Variants in CFAP221 observed in about 807,000 individuals in gnomAD.
CFAP221 encodes cilia- and flagella-associated protein 221.
Under a neutral mutation model 113.1 loss-of-function variants are expected in CFAP221, and 97 were observed. The ratio of observed to expected loss-of-function variants is 0.86; its 90% CI spans 0.73 to 1.02. The LOEUF (loss-of-function observed/expected upper bound fraction) is 1.02, where lower values mean the gene tolerates loss of function less well. Among genes scored for constraint, CFAP221 ranks in the 50% least tolerant of loss-of-function variants. The probability of loss-of-function intolerance (pLI) is 0.00; values close to 1 mark genes in which losing one functional copy is unlikely to be tolerated. For missense variants in CFAP221, 1,025 were observed against 1,013.4 expected (o/e 1.01, Z -0.16); for synonymous variants, 331 against 354.4 (o/e 0.93, Z 0.74).
At chr2:119,619,838 C>T (rs1363072300) in intron 14 of CFAP221, among the ~76,000 whole-genome samples, 3 of 151,990 alleles carry the variant, frequency 2.0e-5, no homozygotes, top group African/African-American at 7.2e-5. Flanking sequence ...AGCTAAGAAC[C>T]TTGAAAAAAG....
intron 15 of CFAP221, 64 bp from the exon 16 acceptor site, chr2:119,627,589 T>G: frequency 6.6e-7 from 1 of 1,506,454 alleles, no homozygotes; most frequent in Non-Finnish European, 9.1e-7. Context: ...TGCAAATATA[T>G]ATGGTGATTT....
chr2:119,587,192 C>A lies in CFAP221; in HGVS notation c.601C>A (p.His201Asn). The change falls in exon 7 of 24, where the codon CAT becomes AAT. Residue 201 changes from histidine (H) to asparagine (N), a missense_variant. Coordinates refer to ENST00000413369, the MANE Select transcript of CFAP221 (RefSeq NM_001271049.2). ...GTTTTATATCACCTTGATTCAGTCT[C>A]ATCAAGCCTTTGCTATTGAGCCAAC... ...FEFYITLIQS[H>N]QAFAIEPTSG... The A allele has an allele frequency of 1.3e-6, 2 of 1,531,862 alleles. No individual in the cohort carries two copies. Among genetic ancestry groups the A allele is most frequent in the Non-Finnish European group, 1.7e-6 (2 of 1,144,574 alleles). 94.9% of individuals were successfully genotyped at this position (1,531,862 alleles called of 1,614,324 possible). A position where few individuals can be genotyped will look rare whatever the true frequency, so the allele number is the denominator to read the frequency against.
At chr2:119,585,363 A>G (rs1558935574) in intron 6 of CFAP221, among the ~76,000 whole-genome samples, 1 of 152,246 alleles carries the variant, frequency 6.6e-6, no homozygotes, top group Non-Finnish European at 1.5e-5. Context: ...TGAATAAATT[A>G]GAGACATGCC....
rs61741340 is a variant in CFAP221, at chr2:119,604,718, G to A, written c.838G>A (p.Val280Ile). The A allele has an allele frequency of 0.011, 17,074 of 1,551,400 alleles. 126 individuals are homozygous for A. The highest frequency in any genetic ancestry group is 0.013 in the Non-Finnish European group (15,457 of 1,154,164). ...GAATACCCTTTCTAAGAAAGTAAAC[G>A]TTCCTCCAGAAAAAGCAATGATGCA... The part of the protein sequence containing the change: ...RLNTLSKKVN[V>I]PPEKAMMHIN... Residue 280 changes from valine to isoleucine, a missense_variant, in exon 9 of 24, where the codon GTT (valine) becomes ATT (isoleucine). Physicochemically the swap from Val to Ile is conservative, Grantham distance 29. Transcript: ENST00000413369.
chr2:119,556,291 A>G (rs998922536), intron 3 of CFAP221: 6 of 151,824 alleles, frequency 4.0e-5, no homozygotes, highest in Admixed American at 6.6e-5. Flanking sequence ...ACTAGTCTCC[A>G]TTTCACTTCA....
rs181383735 is a variant in CFAP221, at chr2:119,553,252, G to A, written c.240+4067G>A. Among the ~76,000 whole-genome samples, 35 of 152,312 alleles carry A rather than the reference G, an allele frequency of 2.3e-4. No individual in the cohort carries two copies. In the East Asian group the frequency reaches 6.6e-3, roughly 29 times the overall value. On this transcript the variant is annotated intron_variant, in intron 3 of 23. Coordinates refer to ENST00000413369, the MANE Select transcript of CFAP221 (RefSeq NM_001271049.2). ...GCCCAAAAGCCAAGTAGGAAGTGGG[G>A]AGAAGGGATTTGGGGCCCAGAGAAA... is the stretch of plus-strand genomic sequence containing the variant.
intron 3 of CFAP221, among the ~76,000 whole-genome samples, chr2:119,554,821 A>G (rs1022813935): frequency 3.3e-5 from 5 of 152,242 alleles, no homozygotes; most frequent in Admixed American, 3.3e-4. Flanking sequence ...AAAACGCTTT[A>G]AAGAACTTAT....
At chr2:119,571,320 A>G (rs1682035206) in intron 6 of CFAP221, among the ~76,000 whole-genome samples, 1 of 151,796 alleles carries the variant, frequency 6.6e-6, no homozygotes, top group Non-Finnish European at 1.5e-5. Flanking sequence ...TTGTATTTTT[A>G]GTAGAGACGG....
rs61729721 is a variant in CFAP221, at chr2:119,630,578, A to G, written c.1740A>G (p.Gln580=). The G allele has an allele frequency of 6.9e-3, 11,170 of 1,608,382 alleles. 73 individuals carry two copies. The highest frequency in any genetic ancestry group is 0.034 in the African/African-American group (2,527 of 74,870). The change falls in exon 18 of 24, where the codon CAA becomes CAG. Residue 580 remains glutamine (Q), a synonymous_variant. Coordinates refer to ENST00000413369, the MANE Select transcript of CFAP221 (RefSeq NM_001271049.2). ...TCTTCTTTCACCTTCAGGTTCCTCA[A>G]CTGTACAAAATTAAGAGATATCAGC... ...SYSFFNLQVP[Q]LYKIKRYQPF...
chr2:119,658,185 A>G (rs1040950347), downstream of CFAP221, among the ~76,000 whole-genome samples: 2 of 152,168 alleles, frequency 1.3e-5, no homozygotes, highest in Non-Finnish European at 2.9e-5. Context: ...GCTGTCCCTC[A>G]CCGTCATTTA....
At chr2:119,614,041 T>G (rs1685357675) in intron 13 of CFAP221, among the ~76,000 whole-genome samples, 1 of 152,218 alleles carries the variant, frequency 6.6e-6, no homozygotes, top group Non-Finnish European at 1.5e-5. Context: ...TCTCTCAAGT[T>G]CAAAGTTCCA....
chr2:119,574,815 A>G (rs1682324674), intron 6 of CFAP221, among the ~76,000 whole-genome samples: 1 of 152,314 alleles, frequency 6.6e-6, no homozygotes, highest in South Asian at 2.1e-4. Flanking sequence ...CATTCACTGA[A>G]CTGACTATAA....
At chr2:119,557,309 T>C (rs1680877885) in intron 3 of CFAP221, 1 of 152,222 alleles carries the variant, frequency 6.6e-6, no homozygotes, top group South Asian at 2.1e-4. Context: ...GCAACACATA[T>C]GAACACTTAC....
At chr2:119,603,056 G>A (rs1230432878) in intron 8 of CFAP221, among the ~76,000 whole-genome samples, 1 of 152,122 alleles carries the variant, frequency 6.6e-6, no homozygotes, top group Non-Finnish European at 1.5e-5. Context: ...ATTCTATCAT[G>A]AAGGGAAAAA....
At chr2:119,611,458 GCTTC>G (rs1370420518) in intron 12 of CFAP221, among the ~76,000 whole-genome samples, 191 bp from the exon 13 acceptor site, 2 of 150,464 alleles carry the variant, frequency 1.3e-5, no homozygotes, top group Non-Finnish European at 3.0e-5. Context: ...TCGAATCTGT[GCTTC>G]GATAAGAGCT....
chr2:119,586,303 G>A (rs1249156032), intron 6 of CFAP221, among the ~76,000 whole-genome samples: 1 of 152,152 alleles, frequency 6.6e-6, no homozygotes, highest in Admixed American at 6.5e-5. Flanking sequence ...TGCACAGGAT[G>A]TAGAATTACC....
In CFAP221 at chr2:119,630,787, A is replaced by G; in HGVS notation, c.1860A>G (p.Thr620=). The change falls in exon 19 of 24, where the codon ACA becomes ACG. Residue 620 remains threonine, a synonymous_variant. Coordinates refer to ENST00000413369, the MANE Select transcript of CFAP221 (RefSeq NM_001271049.2). ...QGAEDEVTTI[T]ALPKQDSTTQ... ...GTTAGGATGAAGTCACCACCATCAC[A>G]GCCCTTCCGAAACAGGACTCCACAA... 6.2e-7 allele frequency: 1 copy of G among 1,612,254 alleles called. No homozygotes were observed.
chr2:119,619,661 A>G (rs937012831), intron 14 of CFAP221, among the ~76,000 whole-genome samples: 3 of 152,218 alleles, frequency 2.0e-5, no homozygotes, highest in Non-Finnish European at 4.4e-5. Context: ...TGAAAATTCC[A>G]AAAACCAGAA....
chr2:119,549,910 C>A (rs1425550292), intron 3 of CFAP221, among the ~76,000 whole-genome samples: 7 of 152,346 alleles, frequency 4.6e-5, no homozygotes, highest in Admixed American at 1.3e-4. Flanking sequence ...GCTGGGTCCC[C>A]TTCATTGACC....
Sources: allele counts gnomAD v4.1 joint callset (sites outside exome capture counted in the v4.1 genomes callset), GRCh38; gene constraint gnomAD v4.1.1; transcripts MANE v1.5; gene names NCBI Gene and HGNC (gene_info 2026-07-23, HGNC 2026-07-21).